The following CUL1 variants were observed in gnomAD, a reference collection of about 807,000 sequenced individuals.
CUL1 encodes cullin-1.
In CUL1, 24 loss-of-function variants were observed where a neutral mutation model predicts 118.0. The observed-to-expected ratio is 0.20, with a 90% CI of 0.15 to 0.29. CUL1 has a LOEUF of 0.29. Ranked by LOEUF, CUL1 falls within the 10% of genes least tolerant of loss-of-function variation. The pLI, the probability that CUL1 is intolerant of heterozygous loss-of-function variation, is 1.00. For missense variants in CUL1, 361 were observed against 933.8 expected (o/e 0.39, Z 7.99); for synonymous variants, 332 against 340.4 (o/e 0.98, Z 0.27).
intron 11 of CUL1, among the ~76,000 whole-genome samples, chr7:148,785,047 C>A (rs1404014462): frequency 6.6e-6 from 1 of 152,188 alleles, no homozygotes; most frequent in Non-Finnish European, 1.5e-5. Flanking sequence ...CATGTACCAA[C>A]TATGTGACCT....
chr7:148,772,347 G>A lies in CUL1; in HGVS notation c.1083+4598G>A, dbSNP rs537314727. Among the ~76,000 whole-genome samples the A allele has an allele frequency of 2.5e-3, 383 of 152,054 alleles. 1 individual carries two copies. The highest frequency in any genetic ancestry group is 2.5e-3 in the Non-Finnish European group (172 of 68,006). Reference sequence around the variant, plus strand: ...GGAGAATCACTTGAACCTGGAAGTCGGAGGTTGCAGTGAGCCAAGATTGCA... The same window carrying A: ...GGAGAATCACTTGAACCTGGAAGTCAGAGGTTGCAGTGAGCCAAGATTGCA... On this transcript the variant is annotated intron_variant, in intron 9 of 21. Transcript: ENST00000325222.
At chr7:148,789,927 C>A in intron 15 of CUL1, 101 bp downstream of exon 15, 1 of 1,075,446 alleles carries the variant, frequency 9.3e-7, no homozygotes, top group Non-Finnish European at 1.4e-6. Flanking sequence ...GGCCTTCCTG[C>A]TGGCTGGCTG....
intron 1 of CUL1, among the ~76,000 whole-genome samples, chr7:148,701,045 T>C (rs1219643623): frequency 1.3e-5 from 2 of 152,200 alleles, no homozygotes; most frequent in African/African-American, 2.4e-5. Context: ...TTATTTCCCA[T>C]ACATTTCCGA....
Position 148,778,070 on chromosome 7 carries a change from CAAAAAAAAAAAA to C in CUL1, c.1084-5697_1084-5686del, listed in dbSNP as rs1203417069. On this transcript the variant is annotated intron_variant, in intron 9 of 21. Coordinates refer to ENST00000325222, the MANE Select transcript of CUL1 (RefSeq NM_003592.3). The stretch of plus-strand genomic sequence containing the variant: ...AGGGTGACAGAAGAAGACCCTGTCT[CAAAAAAAAAAAA>C]AAAAAAAAAAAAAAAGAAGAAGAAG... 1.8e-3 allele frequency among the ~76,000 whole-genome samples: 25 copies of C among 13,804 alleles called. 1 individual carries two copies. The highest frequency in any genetic ancestry group is 3.3e-3 in the Non-Finnish European group (23 of 7,068). 9.1% of individuals were successfully genotyped at this position (13,804 alleles called of 152,430 possible).
intron 1 of CUL1, among the ~76,000 whole-genome samples, chr7:148,705,030 C>T (rs1184170512): frequency 1.3e-5 from 2 of 152,172 alleles, no homozygotes; most frequent in African/African-American, 4.8e-5. Context: ...ATCTGACTTC[C>T]GTTGGGCTGT....
At chr7:148,786,861 T>C (rs1053340110) in intron 12 of CUL1, 128 bp from the exon 13 acceptor site, 104 of 1,246,678 alleles carry the variant, frequency 8.3e-5, no homozygotes, top group Non-Finnish European at 1.0e-4. Context: ...ATCATAAACG[T>C]TGGCGTACAG....
Position 148,796,220 on chromosome 7 carries a change from A to G in CUL1, c.1900-1592A>G, listed in dbSNP as rs539878269. ...TGCAAGAGTGTTGTATTTTGTCAAA[A>G]TGCTTTTTCTACTCTGTCAAAATAA... On this transcript the variant is annotated intron_variant, in intron 17 of 21. Transcript: ENST00000325222. Among the ~76,000 whole-genome samples, 269 of 152,296 alleles carry G rather than the reference A, an allele frequency of 1.8e-3. 1 individual carries two copies. The highest frequency in any genetic ancestry group is 6.1e-3 in the African/African-American group (252 of 41,588).
chr7:148,800,496 A>T lies in CUL1; in HGVS notation c.2251-6A>T. The T allele has an allele frequency of 6.2e-7, 1 of 1,610,858 alleles. No individual in the cohort carries two copies. Among genetic ancestry groups the T allele is most frequent in the Non-Finnish European group, 8.5e-7 (1 of 1,177,192 alleles). On this transcript the variant is annotated splice_region_variant and splice_polypyrimidine_tract_variant and intron_variant, in intron 21 of 21. Transcript: ENST00000325222. The surrounding 1 kb of genome is among the most constrained non-coding windows in gnomAD (Gnocchi z 4.6). ...CTACCTCTTCCTTTTTAAAAATAAC[A>T]CCCAGAAATGCATTGACATTCTAAT...
At chr7:148,697,895 A>C (rs1052313111), upstream of CUL1, 1 of 152,266 alleles carries the variant, frequency 6.6e-6, no homozygotes, top group Non-Finnish European at 1.5e-5. Flanking sequence ...GATGACTTCG[A>C]AGTACACGTG....
chr7:148,756,298 C>G (rs1229350214), intron 3 of CUL1, among the ~76,000 whole-genome samples: 1 of 151,962 alleles, frequency 6.6e-6, no homozygotes, highest in African/African-American at 2.4e-5. Flanking sequence ...GTATTAGTCT[C>G]ATTGTCTGAA....
At chr7:148,786,376 G>T (rs1478365472) in intron 11 of CUL1, among the ~76,000 whole-genome samples, 175 bp from the exon 12 acceptor site, 1 of 152,178 alleles carries the variant, frequency 6.6e-6, no homozygotes, top group Non-Finnish European at 1.5e-5. Flanking sequence ...CAGTGTTGAG[G>T]TTACAGTATG....
intron 2 of CUL1, among the ~76,000 whole-genome samples, chr7:148,744,020 C>A (rs1799229139): frequency 6.6e-6 from 1 of 152,066 alleles, no homozygotes; most frequent in Non-Finnish European, 1.5e-5. Context: ...GAAATGTGTC[C>A]CTTTTTATCC....
chr7:148,755,411 C>G (rs953695189), intron 3 of CUL1, among the ~76,000 whole-genome samples: 1 of 152,214 alleles, frequency 6.6e-6, no homozygotes, highest in African/African-American at 2.4e-5. Context: ...ATTCTGCATG[C>G]TGCAAAATTG....
chr7:148,798,051 G>T, intron 19 of CUL1, 32 bp downstream of exon 19: 1 of 1,321,152 alleles, frequency 7.6e-7, no homozygotes, highest in South Asian at 1.2e-5. Context: ...GATGGCCCTT[G>T]ACCATAGACA....
chr7:148,795,725 G>A (rs1801172969), intron 17 of CUL1, among the ~76,000 whole-genome samples: 1 of 148,982 alleles, frequency 6.7e-6, no homozygotes, highest in African/African-American at 2.5e-5. Flanking sequence ...AGCCCTGATT[G>A]CGCCACTGCA....
chr7:148,710,740 C>T (rs1170507642), intron 1 of CUL1, among the ~76,000 whole-genome samples: 23 of 151,732 alleles, frequency 1.5e-4, no homozygotes, highest in Non-Finnish European at 5.9e-5. Flanking sequence ...CTCACTGCAA[C>T]CCCCGCCTTC....
At position 148,741,369 on chromosome 7, in the gene CUL1, A is replaced by C. The variant is rs1799132838; in HGVS notation, c.140+11107A>C. On this transcript the variant is annotated intron_variant, in intron 2 of 21. Coordinates refer to ENST00000325222, the MANE Select transcript of CUL1 (RefSeq NM_003592.3). ...TGCATTATATTACTTTCCCACCAGCAGTGTATGAGGGTTCCAGTTTCTCCA... is the reference window on the plus strand; with the variant it reads ...TGCATTATATTACTTTCCCACCAGCCGTGTATGAGGGTTCCAGTTTCTCCA... Among the ~76,000 whole-genome samples the C allele has an allele frequency of 2.0e-5, 3 of 152,226 alleles. No individual in the cohort carries two copies. The South Asian group carries it at 6.2e-4, about 32-fold the overall frequency.
chr7:148,792,608 A>T lies in CUL1; in HGVS notation c.1807-118A>T. 6 of 584,604 alleles carry T rather than the reference A, an allele frequency of 1.0e-5. No homozygotes were observed. The Admixed American group carries it at 1.1e-4, about 11-fold the overall frequency. 36.2% of individuals were successfully genotyped at this position (584,604 alleles called of 1,614,324 possible). On this transcript the variant is annotated intron_variant, in intron 16 of 21. Coordinates refer to ENST00000325222, the MANE Select transcript of CUL1 (RefSeq NM_003592.3). Reference sequence around the variant, plus strand: ...TTAAATAGATCTGTGCTTTTTTTGTACTTGTTTAAAGAATTTGTTTCATAA... The same window carrying T: ...TTAAATAGATCTGTGCTTTTTTTGTTCTTGTTTAAAGAATTTGTTTCATAA...
At chr7:148,749,342 G>A (rs527318851) in intron 2 of CUL1, among the ~76,000 whole-genome samples, 5 of 149,624 alleles carry the variant, frequency 3.3e-5, no homozygotes, top group Admixed American at 2.7e-4. Context: ...ACTTGAACCC[G>A]GGAGGCGGAG....
Sources: gnomAD v4.1 joint callset for allele counts (sites outside exome capture counted in the v4.1 genomes callset) on GRCh38, gnomAD v4.1.1 for gene constraint, Gnocchi (gnomAD v3.1) non-coding constraint, MANE v1.5 for transcripts, NCBI Gene and HGNC (gene_info 2026-07-23, HGNC 2026-07-21) for gene names.